Variants in MALT1 observed in about 807,000 individuals in gnomAD.
MALT1 encodes the protein mucosa-associated lymphoid tissue lymphoma translocation protein 1.
In MALT1, 36 loss-of-function variants were observed where a neutral mutation model predicts 85.5. The ratio of observed to expected loss-of-function variants is 0.42; its 90% CI spans 0.32 to 0.56. The LOEUF (loss-of-function observed/expected upper bound fraction) is 0.56, where lower values mean the gene tolerates loss of function less well. MALT1 is among the 20% of genes least tolerant of loss of function. MALT1 has a pLI of 0.10. For missense variants in MALT1, 716 were observed against 981.6 expected (o/e 0.73, Z 3.62); for synonymous variants, 359 against 361.3 (o/e 0.99, Z 0.07).
rs1220262796 is a variant in MALT1, at chr18:58,709,502, C to T, written c.774C>T (p.Tyr258=). The change falls in exon 5 of 17, where the codon TAC becomes TAT. Residue 258 remains tyrosine (Y), a synonymous_variant. Transcript: ENST00000649217. ...CTGTTGGAAGCCCTATTCCTCACTA[C>T]CAGTGGTTCAAAAATGAATTACCAT... ...CVAVGSPIPH[Y]QWFKNELPLT... is the part of the protein sequence containing the mutation. 1 of 1,612,534 alleles carries T rather than the reference C, an allele frequency of 6.2e-7. No individual in the cohort carries two copies. Among genetic ancestry groups the T allele is most frequent in the Admixed American group, 1.7e-5 (1 of 59,680 alleles).
Position 58,751,344 on chromosome 18 carries a change from G to C in MALT1, c.*3502G>C, listed in dbSNP as rs907992453. 1 of 152,068 alleles carries C rather than the reference G, an allele frequency of 6.6e-6. No homozygotes were observed. Among genetic ancestry groups the C allele is most frequent in the Non-Finnish European group, 1.5e-5 (1 of 68,062 alleles). The allele number at this position is 152,068 out of a possible 1,614,324, so 9.4% of individuals were successfully genotyped here. On this transcript the variant is annotated 3_prime_UTR_variant, in exon 17 of 17. Coordinates refer to ENST00000649217, the MANE Select transcript of MALT1 (RefSeq NM_006785.4). The stretch of plus-strand genomic sequence containing the variant: ...CACACCTGTAATCCCAGCTACTAGG[G>C]AGGCTGAGGCAGGAGAATCGTACTT...
chr18:58,676,664 C>T (rs1402906005), intron 1 of MALT1, among the ~76,000 whole-genome samples: 1 of 152,208 alleles, frequency 6.6e-6, no homozygotes. Context: ...ACCTCCACAA[C>T]ACTTAAGACC....
intron 10 of MALT1, among the ~76,000 whole-genome samples, 186 bp downstream of exon 10, chr18:58,723,437 C>G (rs933060830): frequency 1.3e-4 from 20 of 151,782 alleles, no homozygotes; most frequent in African/African-American, 4.6e-4. Flanking sequence ...AGCTTCATGT[C>G]TTTACTTTTA....
Position 58,751,056 on chromosome 18 carries a change from G to A in MALT1, c.*3214G>A, listed in dbSNP as rs2055439380. The A allele has an allele frequency of 6.6e-6, 1 of 152,214 alleles. No homozygotes were observed. The highest frequency in any genetic ancestry group is 2.1e-4 in the South Asian group (1 of 4,832). The allele number at this position is 152,214 out of a possible 1,614,324, so 9.4% of individuals were successfully genotyped here. ...GTCCAGTGAACTTGCTGTGATGATG[G>A]GATGCTTGGTATCCGCACTCCCAGT... On this transcript the variant is annotated 3_prime_UTR_variant, in exon 17 of 17. Coordinates refer to ENST00000649217, the MANE Select transcript of MALT1 (RefSeq NM_006785.4).
intron 10 of MALT1, among the ~76,000 whole-genome samples, chr18:58,731,243 G>A (rs948659804): frequency 4.6e-5 from 7 of 152,160 alleles, no homozygotes; most frequent in Admixed American, 3.9e-4. Flanking sequence ...TTGAGCCTCC[G>A]CGCCTGGCCG....
intron 9 of MALT1, among the ~76,000 whole-genome samples, chr18:58,717,820 A>G (rs1206793338): frequency 6.6e-6 from 1 of 151,712 alleles, no homozygotes; most frequent in Non-Finnish European, 1.5e-5. Context: ...TTCCAGCTCC[A>G]TGATCTTTTC....
At chr18:58,717,362 CA>C (rs59731346) in intron 9 of MALT1, among the ~76,000 whole-genome samples, 18,668 of 98,164 alleles carry the variant, frequency 0.19, 1,971 homozygotes, top group African/African-American at 0.38. Flanking sequence ...AACTCTGTCT[CA>C]AAAAAAAAAA....
intron 1 of MALT1, among the ~76,000 whole-genome samples, chr18:58,678,901 T>A (rs963620277): frequency 2.2e-4 from 33 of 152,218 alleles, no homozygotes; most frequent in African/African-American, 7.7e-4. Flanking sequence ...AGAGTTAATA[T>A]GGGACTGTAA....
At chr18:58,726,682 T>A (rs1488568856) in intron 10 of MALT1, among the ~76,000 whole-genome samples, 1 of 152,188 alleles carries the variant, frequency 6.6e-6, no homozygotes, top group Non-Finnish European at 1.5e-5. Flanking sequence ...ATACATGTCC[T>A]TAAAGATAAA....
chr18:58,684,467 A>G (rs1206177667), intron 2 of MALT1, among the ~76,000 whole-genome samples: 4 of 65,098 alleles, frequency 6.1e-5, no homozygotes, highest in Non-Finnish European at 8.9e-5. Context: ...TTTTTTTGAG[A>G]TGGAGTTTTG....
intron 9 of MALT1, among the ~76,000 whole-genome samples, chr18:58,720,543 A>G (rs953987185): frequency 7.9e-5 from 12 of 152,228 alleles, no homozygotes; most frequent in Non-Finnish European, 1.6e-4. Context: ...GTTATAGACA[A>G]TTATCGATAC....
Position 58,749,664 on chromosome 18 carries a change from C to T in MALT1, c.*1822C>T, listed in dbSNP as rs2055420148. ...AGTTGGTAAATTCACAAATACATAACCTTGAATAATGAGGATCAACTGTAC... is the reference window on the plus strand; with the variant it reads ...AGTTGGTAAATTCACAAATACATAATCTTGAATAATGAGGATCAACTGTAC... On this transcript the variant is annotated 3_prime_UTR_variant, in exon 17 of 17. Coordinates refer to ENST00000649217, the MANE Select transcript of MALT1 (RefSeq NM_006785.4). The T allele has an allele frequency of 4.5e-6, 1 of 220,272 alleles. No homozygotes were observed. Among genetic ancestry groups the T allele is most frequent in the South Asian group, 1.8e-4 (1 of 5,438 alleles). The allele number at this position is 220,272 out of a possible 1,614,324, so 13.6% of individuals were successfully genotyped here. A position where few individuals can be genotyped will look rare whatever the true frequency, so the allele number is the denominator to read the frequency against.
intron 5 of MALT1, 40 bp from the exon 6 acceptor site, chr18:58,709,936 A>G (rs1310065459): frequency 4.0e-6 from 5 of 1,264,420 alleles, no homozygotes; most frequent in Non-Finnish European, 3.4e-6. Flanking sequence ...AGCCATTAAA[A>G]TAGAAGAGGA....
At position 58,710,040 on chromosome 18, in the gene MALT1, G is replaced by A. The variant is rs779297336; in HGVS notation, c.893G>A (p.Ser298Asn). 1.9e-6 allele frequency: 3 copies of A among 1,612,082 alleles called. No individual in the cohort carries two copies. Among genetic ancestry groups the A allele is most frequent in the Non-Finnish European group, 2.5e-6 (3 of 1,178,748 alleles). Residue 298 changes from serine to asparagine, a missense_variant, in exon 6 of 17, where the codon AGT (serine) becomes AAT (asparagine). Around this residue, in one of 4 missense-constraint regions of MALT1, gnomAD observed 290 missense variants for 380.5 expected, o/e 0.76. Transcript: ENST00000649217. ...YWCHVYNDRDSQDSKKVEIII... is the reference protein window; with the variant it reads ...YWCHVYNDRDNQDSKKVEIII... ...TGTCATGTATATAATGATCGAGACA[G>A]TCAAGATAGCAAGAAGGTAGAAATC...
intron 4 of MALT1, among the ~76,000 whole-genome samples, chr18:58,701,850 G>A (rs756562171): frequency 6.6e-6 from 1 of 152,082 alleles, no homozygotes; most frequent in African/African-American, 2.4e-5. Context: ...GGAAAGTCTC[G>A]GTCTTAATAA....
Position 58,722,112 on chromosome 18 carries a change from T to A in MALT1, c.1019-936T>A, listed in dbSNP as rs562272125. Among the ~76,000 whole-genome samples the A allele has an allele frequency of 4.0e-3, 580 of 143,456 alleles. 2 individuals are homozygous for A. The highest frequency in any genetic ancestry group is 6.6e-3 in the Non-Finnish European group (442 of 66,974). 94.1% of individuals were successfully genotyped at this position (143,456 alleles called of 152,430 possible). On this transcript the variant is annotated intron_variant, in intron 9 of 16. Coordinates refer to ENST00000649217, the MANE Select transcript of MALT1 (RefSeq NM_006785.4). ...GAGGTTTTGGTGTGTTCTTTATTTT[T>A]TTTTTTTTATTTTTTTCTTCCCTTT...
chr18:58,732,662 C>T (rs752700509), intron 10 of MALT1, among the ~76,000 whole-genome samples: 13 of 148,308 alleles, frequency 8.8e-5, no homozygotes, highest in Non-Finnish European at 1.6e-4. Flanking sequence ...GCTCTCTATG[C>T]CAGGAACACA....
intron 2 of MALT1, among the ~76,000 whole-genome samples, chr18:58,683,838 T>A (rs2054357836): frequency 6.6e-6 from 1 of 152,228 alleles, no homozygotes; most frequent in South Asian, 2.1e-4. Flanking sequence ...GAGGAGAGAA[T>A]AGGAAAGGAA....
At chr18:58,716,909 G>C (rs987343423) in intron 9 of MALT1, among the ~76,000 whole-genome samples, 2 of 152,196 alleles carry the variant, frequency 1.3e-5, no homozygotes, top group Admixed American at 1.3e-4. Context: ...GGGCCAAGGT[G>C]AAAACAAGAG....
Sources: gnomAD v4.1 joint callset for allele counts (sites outside exome capture counted in the v4.1 genomes callset) on GRCh38, gnomAD v4.1.1 for gene constraint, gnomAD v4.1.1 regional missense constraint, MANE v1.5 for transcripts, NCBI Gene and HGNC (gene_info 2026-07-23, HGNC 2026-07-21) for gene names.